Variants in MAN2B2 observed in about 807,000 individuals in gnomAD.
MAN2B2 encodes the protein epididymis-specific alpha-mannosidase.
Under a neutral mutation model 117.1 loss-of-function variants are expected in MAN2B2, and 106 were observed. That is an observed-to-expected ratio of 0.90 (90% CI 0.77 to 1.06). The LOEUF (loss-of-function observed/expected upper bound fraction) is 1.06, where lower values mean the gene tolerates loss of function less well. Ranked by LOEUF, MAN2B2 falls within the 50% of genes least tolerant of loss-of-function variation. MAN2B2 has a pLI of 0.00. For missense variants in MAN2B2, 1,326 were observed against 1,381.4 expected, an observed-to-expected ratio of 0.96 and a Z score of 0.64; for synonymous variants, 544 against 595.1, an observed-to-expected ratio of 0.91 and a Z score of 1.25.
In MAN2B2 at chr4:6,591,963, AC is replaced by A. The variant is rs1726875948; in HGVS notation, c.681-1209del. ...AGTGCCCCATCTTACAGAAGGAAAAACTGAGGCACAGCAGCCCGCCCCAGGT... is the reference window on the plus strand; with the variant it reads ...AGTGCCCCATCTTACAGAAGGAAAAATGAGGCACAGCAGCCCGCCCCAGGT... On this transcript the variant is annotated intron_variant, in intron 5 of 18. Transcript: ENST00000285599. Among the ~76,000 whole-genome samples the A allele has an allele frequency of 2.0e-5, 3 of 152,014 alleles. No homozygotes were observed. In the South Asian group the frequency reaches 6.2e-4, roughly 32 times the overall value.
At position 6,578,514 on chromosome 4, in the gene MAN2B2, C is replaced by A. The variant is rs922480622; in HGVS notation, c.391+16C>A. 4.4e-6 allele frequency: 7 copies of A among 1,607,762 alleles called. No homozygotes were observed. Among genetic ancestry groups the A allele is most frequent in the Admixed American group, 1.7e-5 (1 of 59,576 alleles). ...CAGCTCACAGGTTTGGCCACCCTACCCTGCACCCAGGGTCCCTCAGGACCT... is the reference window on the plus strand; with the variant it reads ...CAGCTCACAGGTTTGGCCACCCTACACTGCACCCAGGGTCCCTCAGGACCT... On this transcript the variant is annotated intron_variant, in intron 3 of 18. Transcript: ENST00000285599.
intron 16 of MAN2B2, among the ~76,000 whole-genome samples, chr4:6,616,510 C>T (rs753998667): frequency 5.9e-5 from 9 of 152,182 alleles, no homozygotes; most frequent in Non-Finnish European, 1.3e-4. Flanking sequence ...GTTTTTCTTG[C>T]TGTGGCCACC....
chr4:6,603,764 G>A (rs1186522877), intron 10 of MAN2B2, among the ~76,000 whole-genome samples: 1 of 152,102 alleles, frequency 6.6e-6, no homozygotes, highest in Non-Finnish European at 1.5e-5. Context: ...CCGTGAGGGG[G>A]ACAGTCACTA....
intron 1 of MAN2B2, among the ~76,000 whole-genome samples, chr4:6,576,360 G>A (rs866784331): frequency 8.5e-5 from 13 of 152,178 alleles, no homozygotes; most frequent in African/African-American, 2.9e-4. Flanking sequence ...CATGTAGGGT[G>A]TCTGTTTCCC....
chr4:6,617,737 G>C, intron 17 of MAN2B2: 1 of 555,902 alleles, frequency 1.8e-6, no homozygotes, highest in South Asian at 2.3e-5. Flanking sequence ...CTGGGGTGCA[G>C]TGGCACAATC....
At chr4:6,601,197 C>T (rs946855867) in intron 10 of MAN2B2, among the ~76,000 whole-genome samples, 3 of 152,184 alleles carry the variant, frequency 2.0e-5, no homozygotes, top group Non-Finnish European at 4.4e-5. Flanking sequence ...CTTACCATGA[C>T]AGTTTTGTTA....
intron 9 of MAN2B2, 37 bp from the exon 10 acceptor site, chr4:6,600,586 T>A: frequency 6.2e-7 from 1 of 1,605,732 alleles, no homozygotes; most frequent in South Asian, 1.1e-5. Context: ...AGAAGGTGAG[T>A]CACATGGCAC....
Position 6,610,975 on chromosome 4 carries a change from G to C in MAN2B2, c.2355G>C (p.Gly785=), listed in dbSNP as rs765921739. 7.4e-6 allele frequency: 12 copies of C among 1,614,050 alleles called. No individual in the cohort carries two copies. In the Admixed American group the frequency reaches 1.8e-4, roughly 25 times the overall value. Residue 785 remains glycine, a synonymous_variant, in exon 14 of 19, where the codon GGG becomes GGC. Transcript: ENST00000285599. The part of the protein sequence containing the change: ...SERAHGISSQ[G]NGQVEVMLHR... ...GGGCACATGGCATCTCCAGCCAAGGGAATGGGCAGGTGGAGGTAGGAGGCA... is the reference window on the plus strand; with the variant it reads ...GGGCACATGGCATCTCCAGCCAAGGCAATGGGCAGGTGGAGGTAGGAGGCA...
intron 3 of MAN2B2, among the ~76,000 whole-genome samples, chr4:6,586,147 C>A (rs1301901608): frequency 1.3e-5 from 2 of 151,926 alleles, no homozygotes; most frequent in African/African-American, 4.8e-5. Flanking sequence ...CTCCTGAGCT[C>A]AAGTGATCCT....
At position 6,598,293 on chromosome 4, in the gene MAN2B2, G is replaced by C; in HGVS notation, c.1344G>C (p.Lys448Asn). 1 of 1,613,644 alleles carries C rather than the reference G, an allele frequency of 6.2e-7. No homozygotes were observed. The highest frequency in any genetic ancestry group is 8.5e-7 in the Non-Finnish European group (1 of 1,180,030). ...HLASGMLGMR[K>N]LMASIVLDEL... ...CCTCGGGGATGCTGGGCATGCGCAA[G>C]CTGATGGCCTCCATCGTCCTAGATG... Residue 448 changes from lysine to asparagine, a missense_variant, in exon 9 of 19, where the codon AAG (lysine) becomes AAC (asparagine). Lys to Asn is a moderately conservative substitution (Grantham distance 94). Transcript: ENST00000285599.
rs767743522 is a variant in MAN2B2, at chr4:6,621,240, C to T, written c.2985C>T (p.His995=). ...CAGGAGGCCCCATCATCACCGTCCA[C>T]CCAAAGGAAATCCGGACGTTCTTTA... The part of the protein sequence containing the change: ...RPPGGPIITV[H]PKEIRTFFIH... Residue 995 remains histidine, a synonymous_variant, in exon 19 of 19, where the codon CAC becomes CAT. Coordinates refer to ENST00000285599, the MANE Select transcript of MAN2B2 (RefSeq NM_015274.3). 75 of 1,614,008 alleles carry T rather than the reference C, an allele frequency of 4.6e-5. No homozygotes were observed. The Admixed American group carries it at 9.8e-4, about 21-fold the overall frequency.
intron 3 of MAN2B2, among the ~76,000 whole-genome samples, chr4:6,586,366 G>A (rs575334697): frequency 2.4e-4 from 36 of 152,314 alleles, no homozygotes; most frequent in African/African-American, 7.9e-4. Context: ...GGCCTTGGAC[G>A]TCTTTTGAAC....
chr4:6,598,462 C>G, intron 9 of MAN2B2, 108 bp downstream of exon 9: 1 of 1,183,214 alleles, frequency 8.5e-7, no homozygotes. Context: ...GTCCACATCA[C>G]CCATATCGCC....
chr4:6,610,795 C>T (rs1026626422), intron 13 of MAN2B2, 85 bp from the exon 14 acceptor site: 2 of 1,139,570 alleles, frequency 1.8e-6, no homozygotes, highest in Admixed American at 1.7e-5. Flanking sequence ...CTATGGGGAG[C>T]ACCAGCTGGG....
chr4:6,584,562 T>C (rs1726560434), intron 3 of MAN2B2, among the ~76,000 whole-genome samples: 1 of 152,244 alleles, frequency 6.6e-6, no homozygotes, highest in Non-Finnish European at 1.5e-5. Context: ...AAGGTGCTCC[T>C]GAAAGCAAGA....
intron 9 of MAN2B2, among the ~76,000 whole-genome samples, chr4:6,599,046 T>C (rs1275056842): frequency 6.6e-6 from 1 of 152,244 alleles, no homozygotes; most frequent in Non-Finnish European, 1.5e-5. Flanking sequence ...TTTGTGTGCA[T>C]AGGCCGCCAG....
intron 16 of MAN2B2, among the ~76,000 whole-genome samples, chr4:6,614,591 G>A (rs1344879661): frequency 2.6e-5 from 4 of 152,162 alleles, no homozygotes; most frequent in African/African-American, 4.8e-5. Flanking sequence ...AGCGCATTCT[G>A]AATGGATCCC....
At chr4:6,577,014 T>C (rs1726090352) in intron 2 of MAN2B2, among the ~76,000 whole-genome samples, 1 of 152,160 alleles carries the variant, frequency 6.6e-6, no homozygotes, top group African/African-American at 2.4e-5. Flanking sequence ...AAGTCAGCAG[T>C]GCCCCCTGAC....
At chr4:6,586,115 C>T (rs1726625583) in intron 3 of MAN2B2, among the ~76,000 whole-genome samples, 1 of 151,566 alleles carries the variant, frequency 6.6e-6, no homozygotes. Context: ...GTGGCAGGAT[C>T]ATGGCTCACT....
Sources: gnomAD v4.1 joint callset for allele counts (sites outside exome capture counted in the v4.1 genomes callset) on GRCh38, gnomAD v4.1.1 for gene constraint, MANE v1.5 for transcripts, NCBI Gene and HGNC (gene_info 2026-07-23, HGNC 2026-07-21) for gene names.